ZSWIM6: variants seen among roughly 807,000 people sequenced by gnomAD.
ZSWIM6 encodes zinc finger SWIM-type containing 6.
ZSWIM6 carries 9 observed loss-of-function variants against 113.2 expected under a neutral mutation model. The observed-to-expected ratio is 0.08, with a 90% CI of 0.05 to 0.14. ZSWIM6 has a LOEUF of 0.14. Ranked by LOEUF, ZSWIM6 falls within the 10% of genes least tolerant of loss-of-function variation. ZSWIM6 has a pLI of 1.00. For synonymous variants in ZSWIM6, 611 were observed against 606.5 expected (o/e 1.01, Z -0.11); for missense variants, 1,162 against 1,552.2 (o/e 0.75, Z 4.22).
chr5:61,382,816 AAAAGAAAGAAAG>A (rs57053318), intron 1 of ZSWIM6, among the ~76,000 whole-genome samples: 13 of 150,128 alleles, frequency 8.7e-5, no homozygotes, highest in African/African-American at 1.7e-4. Flanking sequence ...AAATAAAAAA[AAAAGAAAGAAAG>A]AAAGAAAGAA....
intron 1 of ZSWIM6, among the ~76,000 whole-genome samples, chr5:61,385,661 C>T (rs1490726235): frequency 6.6e-6 from 1 of 152,190 alleles, no homozygotes. Flanking sequence ...GAATGCACAT[C>T]CTCTGTATAG....
At chr5:61,463,535 GCACATTCCAGTGTGAGAAC>G (rs1747360806) in intron 1 of ZSWIM6, among the ~76,000 whole-genome samples, 1 of 152,182 alleles carries the variant, frequency 6.6e-6, no homozygotes, top group South Asian at 2.1e-4. Flanking sequence ...GTTATCATAT[GCACATTCCAGTGTGAGAAC>G]CACCGATCTA....
At chr5:61,492,664 A>G (rs1748213231) in intron 3 of ZSWIM6, among the ~76,000 whole-genome samples, 1 of 152,080 alleles carries the variant, frequency 6.6e-6, no homozygotes, top group Non-Finnish European at 1.5e-5. Context: ...GTACTTTGAT[A>G]TTGGGAACAA....
chr5:61,369,913 C>T (rs948988608), intron 1 of ZSWIM6, among the ~76,000 whole-genome samples: 2 of 152,194 alleles, frequency 1.3e-5, no homozygotes, highest in African/African-American at 2.4e-5. Context: ...AGATATTTCA[C>T]TGGACATCTG....
intron 1 of ZSWIM6, among the ~76,000 whole-genome samples, chr5:61,462,152 G>A (rs1224918684): frequency 1.3e-5 from 2 of 152,166 alleles, no homozygotes; most frequent in African/African-American, 4.8e-5. Context: ...AATTAGTGAA[G>A]ATGAAAAGCT....
At chr5:61,537,459 A>G (rs1279439813) in intron 10 of ZSWIM6, among the ~76,000 whole-genome samples, 1 of 152,132 alleles carries the variant, frequency 6.6e-6, no homozygotes, top group Non-Finnish European at 1.5e-5. Flanking sequence ...AAGGAAGGTC[A>G]TCTTCAGCAC....
In ZSWIM6 at chr5:61,543,537, C is replaced by T. The variant is rs374211669; in HGVS notation, c.2868C>T (p.Thr956=). The T allele has an allele frequency of 9.0e-6, 14 of 1,551,558 alleles. No individual in the cohort carries two copies. Among genetic ancestry groups the T allele is most frequent in the South Asian group, 1.2e-5 (1 of 84,040 alleles). ...PTEATSIVAT[T]VMSNSTIVRL... ...AGGCCACAAGTATAGTTGCAACTAC[C>T]GTGATGTCCAACAGCACCATCGTCC... The change falls in exon 14 of 14, where the codon ACC becomes ACT. Residue 956 remains threonine (T), a synonymous_variant. Transcript: ENST00000252744. This position sits in a 1 kb window ranked among gnomAD's most constrained non-coding sequence, Gnocchi z 4.3.
At chr5:61,397,284 C>A (rs1745856849) in intron 1 of ZSWIM6, among the ~76,000 whole-genome samples, 2 of 152,124 alleles carry the variant, frequency 1.3e-5, no homozygotes, top group Non-Finnish European at 2.9e-5. Flanking sequence ...TTTATGTAAT[C>A]AAAATGAGTT....
intron 1 of ZSWIM6, among the ~76,000 whole-genome samples, chr5:61,356,497 T>C (rs1744909029): frequency 6.6e-6 from 1 of 151,524 alleles, no homozygotes; most frequent in Non-Finnish European, 1.5e-5. Context: ...AATGAAATTA[T>C]TGAAAGTAAG....
At position 61,503,765 on chromosome 5, in the gene ZSWIM6, A is replaced by T. The variant is rs528895603; in HGVS notation, c.1333+9355A>T. ...ATTCTTTGCTAAGCATTAGGGTCATATGTAGACCACATAATTTGAAAGATT... is the reference window on the plus strand; with the variant it reads ...ATTCTTTGCTAAGCATTAGGGTCATTTGTAGACCACATAATTTGAAAGATT... On this transcript the variant is annotated intron_variant, in intron 4 of 13. Coordinates refer to ENST00000252744, the MANE Select transcript of ZSWIM6 (RefSeq NM_020928.2). Among the ~76,000 whole-genome samples the T allele has an allele frequency of 7.9e-5, 12 of 152,314 alleles. No homozygotes were observed. The South Asian group carries it at 2.5e-3, about 32-fold the overall frequency.
chr5:61,375,882 T>C, intron 1 of ZSWIM6: 1 of 953,316 alleles, frequency 1.0e-6, no homozygotes, highest in South Asian at 1.5e-5. Flanking sequence ...GATTCCCTTA[T>C]AAAGAAAGTG....
intron 1 of ZSWIM6, among the ~76,000 whole-genome samples, chr5:61,333,375 A>C (rs1270756801): frequency 6.6e-6 from 1 of 151,102 alleles, no homozygotes; most frequent in Non-Finnish European, 1.5e-5. Flanking sequence ...GCCGCAGACA[A>C]TGCCGGCCGC....
At chr5:61,454,178 T>C (rs1192188004) in intron 1 of ZSWIM6, among the ~76,000 whole-genome samples, 2 of 151,932 alleles carry the variant, frequency 1.3e-5, no homozygotes, top group African/African-American at 4.8e-5. Context: ...TGCAGCCTGT[T>C]TGTTGGCAGC....
chr5:61,410,998 C>T (rs1039241909), intron 1 of ZSWIM6, among the ~76,000 whole-genome samples: 2 of 152,114 alleles, frequency 1.3e-5, no homozygotes, highest in African/African-American at 4.8e-5. Context: ...TAATAATACA[C>T]TATGGTTTGG....
In ZSWIM6 at chr5:61,545,836, CT is replaced by C. The variant is rs1749874099; in HGVS notation, c.*1520del. On this transcript the variant is annotated 3_prime_UTR_variant, in exon 14 of 14. Transcript: ENST00000252744. ...AGTGTCTTTACTTTAGCTGATGGTT[CT>C]GTAACCTTGTGCTTTTTAAAGCAAT... 2 of 152,008 alleles carry C rather than the reference CT, an allele frequency of 1.3e-5. No individual in the cohort carries two copies. Among genetic ancestry groups the C allele is most frequent in the Admixed American group, 1.3e-4 (2 of 15,266 alleles). 9.4% of individuals were successfully genotyped at this position (152,008 alleles called of 1,614,324 possible).
intron 1 of ZSWIM6, among the ~76,000 whole-genome samples, chr5:61,358,835 A>T (rs1744973688): frequency 6.6e-6 from 1 of 152,200 alleles, no homozygotes; most frequent in Non-Finnish European, 1.5e-5. Flanking sequence ...ACCTCATAGC[A>T]CACAGAAAAT....
rs559850343 is a variant in ZSWIM6 at position 61,355,217 on chromosome 5, A to G, written c.676+22269A>G. Reference sequence around the variant, plus strand: ...GTATTTAGCTTGGTAGTTGTGACTTAGTTTTCTGTTCTCAAGCCCAGGAGA... The same window carrying G: ...GTATTTAGCTTGGTAGTTGTGACTTGGTTTTCTGTTCTCAAGCCCAGGAGA... On this transcript the variant is annotated intron_variant, in intron 1 of 13. Transcript: ENST00000252744. Among the ~76,000 whole-genome samples, 6 of 152,186 alleles carry G rather than the reference A, an allele frequency of 3.9e-5. No individual in the cohort carries two copies. In the South Asian group the frequency reaches 1.0e-3, roughly 26 times the overall value.
At chr5:61,529,233 A>G (rs1749367042) in intron 7 of ZSWIM6, among the ~76,000 whole-genome samples, 1 of 152,198 alleles carries the variant, frequency 6.6e-6, no homozygotes, top group Non-Finnish European at 1.5e-5. Context: ...AGGAGCTACT[A>G]TTATTTATTA....
intron 1 of ZSWIM6, among the ~76,000 whole-genome samples, chr5:61,355,440 ACACACACACACACACACACACACACACAC>A (rs1744881610): frequency 2.5e-5 from 1 of 40,534 alleles, no homozygotes; most frequent in African/African-American, 9.3e-5. Context: ...AAACACACAC[ACACACACACACACACACACACACACACAC>A]ACACACACAC....
Sources: allele counts gnomAD v4.1 joint callset (sites outside exome capture counted in the v4.1 genomes callset), GRCh38; gene constraint gnomAD v4.1.1; non-coding constraint Gnocchi (gnomAD v3.1); transcripts MANE v1.5; gene names NCBI Gene and HGNC (gene_info 2026-07-23, HGNC 2026-07-21).